The following TLCD4 variants were observed in gnomAD, a reference collection of about 807,000 sequenced individuals.
TLCD4 encodes TLC domain containing 4.
TLCD4 carries 7 observed loss-of-function variants against 24.2 expected under a neutral mutation model. The ratio of observed to expected loss-of-function variants is 0.29; its 90% CI spans 0.16 to 0.54. The LOEUF (loss-of-function observed/expected upper bound fraction) is 0.54. Among genes scored for constraint, TLCD4 ranks in the 20% least tolerant of loss-of-function variants. The pLI is 0.95. For missense variants in TLCD4, 259 were observed against 313.9 expected, an observed-to-expected ratio of 0.82 and a Z score of 1.32; for synonymous variants, 103 against 106.4, an observed-to-expected ratio of 0.97 and a Z score of 0.20.
At chr1:95,146,158 A>C (rs571172325) in intron 2 of TLCD4, among the ~76,000 whole-genome samples, 1 of 152,146 alleles carries the variant, frequency 6.6e-6, no homozygotes, top group East Asian at 1.9e-4. Flanking sequence ...TGAGCCATCT[A>C]GTATAAAAAG....
chr1:95,188,830 C>G (rs529860021), intron 6 of TLCD4, among the ~76,000 whole-genome samples: 32 of 152,240 alleles, frequency 2.1e-4, no homozygotes, highest in Non-Finnish European at 3.1e-4. Context: ...AGGTATTTCT[C>G]AAGGAACCCT....
chr1:95,180,341 T>C (rs1033607916), intron 6 of TLCD4, among the ~76,000 whole-genome samples: 1 of 152,216 alleles, frequency 6.6e-6, no homozygotes, highest in Non-Finnish European at 1.5e-5. Flanking sequence ...TACCTTTATC[T>C]AAAAGCTTTG....
At chr1:95,173,609 T>A (rs1436532363) in intron 5 of TLCD4, among the ~76,000 whole-genome samples, 1 of 152,270 alleles carries the variant, frequency 6.6e-6, no homozygotes, top group African/African-American at 2.4e-5. Context: ...TATAATTTAC[T>A]GTTTTTTAAA....
upstream of TLCD4, among the ~76,000 whole-genome samples, chr1:95,117,181 T>C (rs1242204832): frequency 1.3e-5 from 2 of 152,182 alleles, no homozygotes; most frequent in Non-Finnish European, 2.9e-5. Flanking sequence ...AGGTGTGAGC[T>C]TCCAGGATCT....
Position 95,192,353 on chromosome 1 carries a change from G to A in TLCD4, c.*485G>A, listed in dbSNP as rs901517059. ...TAAAATTTAGTTTTCATCCCAAGAT[G>A]TCTTTTCTGCCTTTCTTTTGCCTTA... is the stretch of plus-strand genomic sequence containing the variant. On this transcript the variant is annotated 3_prime_UTR_variant, in exon 7 of 7. Transcript: ENST00000370203. The A allele has an allele frequency of 6.6e-6, 1 of 152,284 alleles. No homozygotes were observed. The highest frequency in any genetic ancestry group is 2.4e-5 in the African/African-American group (1 of 41,412). 9.4% of individuals were successfully genotyped at this position (152,284 alleles called of 1,614,324 possible). A position where few individuals can be genotyped will look rare whatever the true frequency, so the allele number is the denominator to read the frequency against.
Position 95,148,783 on chromosome 1 carries a change from T to C in TLCD4, c.237T>C (p.Asp79=), listed in dbSNP as rs757075300. The part of the protein sequence containing the change: ...IFLFDEATKA[D]PLWGGPSLAN... The stretch of plus-strand genomic sequence containing the variant: ...TATTCGATGAGGCTACTAAAGCTGA[T>C]CCACTTTGGTAAGCTGTTTCTTTTT... The change falls in exon 3 of 7, where the codon GAT becomes GAC. Residue 79 remains aspartate, a synonymous_variant. Transcript: ENST00000370203. 3.7e-6 allele frequency: 6 copies of C among 1,613,234 alleles called. No homozygotes were observed. In the South Asian group the frequency reaches 5.5e-5, roughly 15 times the overall value.
At chr1:95,153,842 G>A (rs1296434551) in intron 5 of TLCD4, among the ~76,000 whole-genome samples, 2 of 152,134 alleles carry the variant, frequency 1.3e-5, no homozygotes, top group African/African-American at 4.8e-5. Flanking sequence ...AATGTCCCTG[G>A]AAATGTGAAA....
At chr1:95,125,969 T>TGACA in intron 1 of TLCD4, among the ~76,000 whole-genome samples, 1 of 140,548 alleles carries the variant, frequency 7.1e-6, no homozygotes, top group South Asian at 2.4e-4. Flanking sequence ...CTGGACAACA[T>TGACA]AATGAGACGC....
intron 5 of TLCD4, among the ~76,000 whole-genome samples, chr1:95,159,754 A>T (rs1677731188): frequency 6.6e-6 from 1 of 152,180 alleles, no homozygotes; most frequent in Non-Finnish European, 1.5e-5. Flanking sequence ...ACCATTTATT[A>T]AATAGGGAAT....
chr1:95,148,414 A>G (rs539065862), intron 2 of TLCD4, among the ~76,000 whole-genome samples: 8 of 152,304 alleles, frequency 5.3e-5, no homozygotes, highest in African/African-American at 1.9e-4. Flanking sequence ...ATCATCATGT[A>G]TGCATTTATC....
In TLCD4 at chr1:95,144,040, A is replaced by C. The variant is rs1257356861; in HGVS notation, c.139A>C (p.Ile47Leu). 1 of 1,536,338 alleles carries C rather than the reference A, an allele frequency of 6.5e-7. No individual in the cohort carries two copies. The highest frequency in any genetic ancestry group is 2.4e-5 in the East Asian group (1 of 41,344). Residue 47 changes from isoleucine (I) to leucine (L), a missense_variant, in exon 2 of 7, where the codon ATT becomes CTT. Physicochemically the swap from Ile to Leu is conservative, Grantham distance 5. Coordinates refer to ENST00000370203, the MANE Select transcript of TLCD4 (RefSeq NM_152487.3). ...GFNSLSFKKK[I>L]EWNSRVVSTC... ...CAATAGTCTCAGCTTCAAAAAGAAG[A>C]TTGAATGGAACTCAAGGTAAAGCAT... is the stretch of plus-strand genomic sequence containing the variant.
the TLCD4 span, among the ~76,000 whole-genome samples, chr1:95,097,824 TC>T: frequency 7.6e-3 from 1,160 of 152,326 alleles, 10 homozygotes; most frequent in Admixed American, 0.019. Flanking sequence ...TTCATGCCAT[TC>T]CTGAAATCTA....
intron 5 of TLCD4, among the ~76,000 whole-genome samples, chr1:95,172,958 A>T (rs1421823251): frequency 6.6e-6 from 1 of 152,164 alleles, no homozygotes; most frequent in African/African-American, 2.4e-5. Flanking sequence ...TAGAATGTAT[A>T]CTTTTGGTTT....
At chr1:95,181,340 T>A (rs1400998253) in intron 6 of TLCD4, among the ~76,000 whole-genome samples, 1 of 152,168 alleles carries the variant, frequency 6.6e-6, no homozygotes, top group Non-Finnish European at 1.5e-5. Context: ...GTTTGAAGCA[T>A]ATGAAAAATA....
chr1:95,188,834 G>GAACC (rs933493119), intron 6 of TLCD4, among the ~76,000 whole-genome samples: 1 of 152,042 alleles, frequency 6.6e-6, no homozygotes, highest in African/African-American at 2.4e-5. Flanking sequence ...ATTTCTCAAG[G>GAACC]AACCCTAGTT....
chr1:95,134,273 C>T (rs796581818), intron 1 of TLCD4, among the ~76,000 whole-genome samples: 5 of 152,010 alleles, frequency 3.3e-5, no homozygotes, highest in African/African-American at 1.2e-4. Flanking sequence ...GGGCTAATGT[C>T]TTTGAGTAAG....
chr1:95,111,283 T>C, the TLCD4 span, among the ~76,000 whole-genome samples: 1 of 149,338 alleles, frequency 6.7e-6, no homozygotes, highest in African/African-American at 2.5e-5. Context: ...GACAGACAGA[T>C]TGTGTCTCTT....
At chr1:95,126,925 T>C (rs1012266672) in intron 1 of TLCD4, among the ~76,000 whole-genome samples, 6 of 152,236 alleles carry the variant, frequency 3.9e-5, no homozygotes, top group Admixed American at 6.5e-5. Flanking sequence ...CACCTCGGGA[T>C]TGGGGGCCTG....
chr1:95,110,613 G>T, the TLCD4 span, among the ~76,000 whole-genome samples: 92 of 152,256 alleles, frequency 6.0e-4, no homozygotes, highest in African/African-American at 2.1e-3. Context: ...TCTAGGCCAG[G>T]TGCGGTGGCT....
Sources: allele counts gnomAD v4.1 joint callset (sites outside exome capture counted in the v4.1 genomes callset), GRCh38; gene constraint gnomAD v4.1.1; transcripts MANE v1.5; gene names NCBI Gene and HGNC (gene_info 2026-07-23, HGNC 2026-07-21).